The following PCDH15 variants were observed in gnomAD, a reference collection of about 807,000 sequenced individuals.
The protein encoded by PCDH15 is protocadherin related 15.
In PCDH15, 129 loss-of-function variants were observed where a neutral mutation model predicts 178.5. The observed-to-expected ratio is 0.72, with a 90% CI of 0.63 to 0.84. PCDH15 has a LOEUF of 0.84. Ranked by LOEUF, PCDH15 falls within the 40% of genes least tolerant of loss-of-function variation. PCDH15 has a pLI of 0.00. For synonymous variants in PCDH15, 800 were observed against 732.0 expected (o/e 1.09, Z -1.50); for missense variants, 2,230 against 2,099.9 (o/e 1.06, Z -1.21).
intron 2 of PCDH15, among the ~76,000 whole-genome samples, chr10:55,484,087 T>C (rs1316454657): frequency 6.6e-6 from 1 of 151,596 alleles, no homozygotes; most frequent in Admixed American, 6.6e-5. Context: ...GGGAGCTACA[T>C]GATGAGACAC....
intron 3 of PCDH15, among the ~76,000 whole-genome samples, chr10:54,479,198 A>G (rs915652894): frequency 5.9e-5 from 9 of 152,046 alleles, no homozygotes; most frequent in African/African-American, 2.2e-4. Context: ...GGATCATGAA[A>G]TTTCTGACAT....
intron 2 of PCDH15, among the ~76,000 whole-genome samples, chr10:54,538,086 T>A (rs991633087): frequency 1.8e-4 from 28 of 152,204 alleles, no homozygotes; most frequent in Non-Finnish European, 4.4e-5. Flanking sequence ...CTGTTAATAG[T>A]CTTTTCTGTC....
intron 2 of PCDH15, among the ~76,000 whole-genome samples, chr10:55,488,519 C>G (rs1416774079): frequency 6.6e-6 from 1 of 151,476 alleles, no homozygotes; most frequent in Non-Finnish European, 1.5e-5. Context: ...TGACTTTGGA[C>G]ATTTCAAATA....
intron 2 of PCDH15, among the ~76,000 whole-genome samples, chr10:54,909,137 G>A (rs1222963795): frequency 1.3e-5 from 2 of 152,140 alleles, no homozygotes; most frequent in Non-Finnish European, 2.9e-5. Context: ...TGTGCTGATT[G>A]GTCTATGTGC....
chr10:55,556,631 G>A (rs1326230020), intron 2 of PCDH15, among the ~76,000 whole-genome samples: 1 of 151,910 alleles, frequency 6.6e-6, no homozygotes, highest in Non-Finnish European at 1.5e-5. Context: ...CGGAGTTTGA[G>A]ATCAGCCTGG....
chr10:53,983,015 T>G (rs2134648156), intron 21 of PCDH15, among the ~76,000 whole-genome samples: 1 of 152,124 alleles, frequency 6.6e-6, no homozygotes, highest in South Asian at 2.1e-4. Context: ...ATACCAAACT[T>G]ATTATTATCA....
intron 1 of PCDH15, among the ~76,000 whole-genome samples, chr10:55,176,652 G>T (rs1372869747): frequency 6.6e-6 from 1 of 152,092 alleles, no homozygotes; most frequent in African/African-American, 2.4e-5. Context: ...AAATGGAGAC[G>T]TTCCAGGATC....
intron 2 of PCDH15, among the ~76,000 whole-genome samples, chr10:54,560,250 A>G (rs2087924511): frequency 6.6e-6 from 1 of 152,210 alleles, no homozygotes; most frequent in Non-Finnish European, 1.5e-5. Context: ...CACTTAAATT[A>G]CCATAATAAT....
intron 2 of PCDH15, among the ~76,000 whole-genome samples, chr10:55,032,940 T>C (rs867087350): frequency 6.6e-6 from 1 of 152,138 alleles, no homozygotes; most frequent in Non-Finnish European, 1.5e-5. Flanking sequence ...ACAGTGCTAA[T>C]TGGCTGCTTC....
rs1371394823 is a variant in PCDH15, at chr10:54,154,606, TA to T, written c.1591-1314del. Among the ~76,000 whole-genome samples, 5 of 152,168 alleles carry T rather than the reference TA, an allele frequency of 3.3e-5. No individual in the cohort carries two copies. The South Asian group carries it at 8.3e-4, about 25-fold the overall frequency. On this transcript the variant is annotated intron_variant, in intron 13 of 37. Coordinates refer to ENST00000644397, the MANE Select transcript of PCDH15 (RefSeq NM_001384140.1). ...AAAAGTTCATGTTTAATATCCTCAATAAATGTAAACAAAGTACTTTATACAC... is the reference window on the plus strand; with the variant it reads ...AAAAGTTCATGTTTAATATCCTCAATAATGTAAACAAAGTACTTTATACAC...
intron 2 of PCDH15, among the ~76,000 whole-genome samples, chr10:55,418,350 C>T (rs1838535216): frequency 6.6e-6 from 1 of 151,638 alleles, no homozygotes; most frequent in South Asian, 2.1e-4. Flanking sequence ...AGAGGAAAGT[C>T]AGGGCACTGA....
chr10:54,795,049 T>G (rs1951821441), intron 1 of PCDH15, among the ~76,000 whole-genome samples: 1 of 151,876 alleles, frequency 6.6e-6, no homozygotes, highest in African/African-American at 2.4e-5. Flanking sequence ...ATTATACATT[T>G]TCACTTACAA....
chr10:54,211,745 A>G (rs570493904), intron 10 of PCDH15, among the ~76,000 whole-genome samples: 1 of 152,200 alleles, frequency 6.6e-6, no homozygotes, highest in Admixed American at 6.5e-5. Context: ...TTATTAAAGT[A>G]AAAAGAGAGA....
chr10:54,516,404 G>A (rs1356706269), intron 3 of PCDH15, among the ~76,000 whole-genome samples: 6 of 152,086 alleles, frequency 3.9e-5, no homozygotes, highest in East Asian at 1.9e-4. Flanking sequence ...CGAGAACTAC[G>A]TGAAGAATGC....
At chr10:54,400,263 T>C (rs1437908962) in intron 3 of PCDH15, among the ~76,000 whole-genome samples, 2 of 152,132 alleles carry the variant, frequency 1.3e-5, no homozygotes, top group Non-Finnish European at 2.9e-5. Flanking sequence ...GATTCTCCAA[T>C]TGAACATAAA....
At chr10:55,271,005 A>C (rs1406437294) in intron 1 of PCDH15, among the ~76,000 whole-genome samples, 1 of 152,144 alleles carries the variant, frequency 6.6e-6, no homozygotes, top group Non-Finnish European at 1.5e-5. Context: ...ATGGCTCTGG[A>C]GGCCATAATC....
chr10:54,294,570 T>C (rs2059626847), intron 8 of PCDH15, among the ~76,000 whole-genome samples: 1 of 152,126 alleles, frequency 6.6e-6, no homozygotes, highest in African/African-American at 2.4e-5. Flanking sequence ...ACTAAATCAA[T>C]GATATAGTTA....
chr10:53,937,105 A>G (rs2085645924), intron 25 of PCDH15, among the ~76,000 whole-genome samples: 1 of 152,172 alleles, frequency 6.6e-6, no homozygotes, highest in Admixed American at 6.5e-5. Flanking sequence ...TTTCACCTCT[A>G]CATGCATACT....
intron 2 of PCDH15, among the ~76,000 whole-genome samples, chr10:54,974,283 CCTTTTA>C (rs1839012762): frequency 6.6e-6 from 1 of 151,966 alleles, no homozygotes. Context: ...TAAGAAAACT[CCTTTTA>C]CATTGATACT....
Sources: gnomAD v4.1 joint callset for allele counts (sites outside exome capture counted in the v4.1 genomes callset) on GRCh38, gnomAD v4.1.1 for gene constraint, MANE v1.5 for transcripts, NCBI Gene and HGNC (gene_info 2026-07-23, HGNC 2026-07-21) for gene names.